Variants in ROBO2 observed in about 807,000 individuals in gnomAD.
ROBO2 encodes roundabout homolog 2.
In ROBO2, 53 loss-of-function variants were observed where a neutral mutation model predicts 160.8. The ratio of observed to expected loss-of-function variants is 0.33; its 90% confidence interval spans 0.26 to 0.41. The LOEUF (loss-of-function observed/expected upper bound fraction) is 0.41, where lower values mean the gene tolerates loss of function less well. ROBO2 is among the 10% of genes least tolerant of loss of function. ROBO2 has a pLI of 1.00. For synonymous variants in ROBO2, 664 were observed against 611.7 expected (o/e 1.09, Z -1.26); for missense variants, 1,577 against 1,722.4 (o/e 0.92, Z 1.49).
rs1396944502 is a variant in ROBO2, at chr3:76,025,327, C to G, written c.109+87725C>G. On this transcript the variant is annotated intron_variant, in intron 2 of 26. Transcript: ENST00000487694. ...GGTGTTACGTAGCTATGGGAACTTC[C>G]TCACAATTATCCTTATTGGGAAAGA... is the stretch of plus-strand genomic sequence containing the variant. Among the ~76,000 whole-genome samples the G allele has an allele frequency of 5.9e-5, 9 of 151,702 alleles. No homozygotes were observed. In the East Asian group the frequency reaches 1.7e-3, roughly 29 times the overall value.
chr3:76,790,163 T>G (rs2108720576), intron 2 of ROBO2, among the ~76,000 whole-genome samples: 1 of 151,758 alleles, frequency 6.6e-6, no homozygotes, highest in South Asian at 2.1e-4. Context: ...GTCTGAAGAT[T>G]AATTTATTCA....
chr3:75,988,157 T>G (rs1159441763), intron 2 of ROBO2, among the ~76,000 whole-genome samples: 2 of 152,064 alleles, frequency 1.3e-5, no homozygotes, highest in Non-Finnish European at 2.9e-5. Context: ...AGCTGTCAGG[T>G]CCAGGGATTT....
exon 12 of ROBO2, chr3:77,565,019 G>T: frequency 6.2e-7 from 1 of 1,613,700 alleles, no homozygotes; most frequent in Admixed American, 1.7e-5. Context: ...TATACTGTAA[G>T]AGGACTGCGG....
chr3:76,855,521 A>G (rs776713410), intron 2 of ROBO2, among the ~76,000 whole-genome samples: 17 of 152,244 alleles, frequency 1.1e-4, no homozygotes, highest in Non-Finnish European at 2.4e-4. Flanking sequence ...CTCTTTTGAT[A>G]AGATTGCATA....
At chr3:76,767,406 C>T (rs1049361339) in intron 2 of ROBO2, among the ~76,000 whole-genome samples, 6 of 151,570 alleles carry the variant, frequency 4.0e-5, no homozygotes, top group African/African-American at 9.7e-5. Flanking sequence ...CTACTTATAT[C>T]TCTTCTTGTT....
intron 2 of ROBO2, among the ~76,000 whole-genome samples, chr3:76,144,382 C>T (rs2071806268): frequency 6.6e-6 from 1 of 151,820 alleles, no homozygotes; most frequent in South Asian, 2.1e-4. Context: ...TACATTATAG[C>T]AAGAGGGAAG....
intron 2 of ROBO2, among the ~76,000 whole-genome samples, chr3:76,601,137 G>A (rs984766766): frequency 1.3e-5 from 2 of 152,196 alleles, no homozygotes; most frequent in African/African-American, 4.8e-5. Flanking sequence ...GGGTTCCCAT[G>A]GTCTTGGGCA....
In ROBO2 at chr3:76,787,579, C is replaced by A. The variant is rs145678091; in HGVS notation, c.110-310435C>A. Among the ~76,000 whole-genome samples, 468 of 151,476 alleles carry A rather than the reference C, an allele frequency of 3.1e-3. 2 individuals are homozygous for A. The highest frequency in any genetic ancestry group is 0.011 in the African/African-American group (449 of 41,420). ...TTCTGCAATATAATTGTAAAATTAT[C>A]TTTTGTTATCTATAAGTTCTCTATA... On this transcript the variant is annotated intron_variant, in intron 2 of 26. Coordinates refer to the ROBO2 transcript ENST00000487694.
intron 2 of ROBO2, among the ~76,000 whole-genome samples, chr3:76,938,934 G>T (rs181715114): frequency 7.0e-4 from 99 of 140,540 alleles, no homozygotes; most frequent in Middle Eastern, 4.7e-3. Context: ...TCACGCCATT[G>T]CACGCTAGCC....
chr3:76,093,459 TAC>T (rs2069314151), intron 2 of ROBO2, among the ~76,000 whole-genome samples: 2 of 141,632 alleles, frequency 1.4e-5, no homozygotes, highest in East Asian at 2.1e-4. Flanking sequence ...TTGAAAAAAA[TAC>T]AGTTTATAAT....
At chr3:76,689,589 C>A (rs181473931) in intron 2 of ROBO2, among the ~76,000 whole-genome samples, 1 of 152,126 alleles carries the variant, frequency 6.6e-6, no homozygotes, top group East Asian at 1.9e-4. Context: ...CTCTCCCATC[C>A]CCCAAAAAAG....
At chr3:77,179,555 G>GA (rs1319933282) in intron 2 of ROBO2, among the ~76,000 whole-genome samples, 1 of 150,774 alleles carries the variant, frequency 6.6e-6, no homozygotes, top group Non-Finnish European at 1.5e-5. Flanking sequence ...TAAGAGGCAA[G>GA]AAAAAAAAGG....
At chr3:77,442,185 G>A (rs1164458980) in intron 2 of ROBO2, among the ~76,000 whole-genome samples, 2 of 151,978 alleles carry the variant, frequency 1.3e-5, no homozygotes, top group Admixed American at 6.6e-5. Context: ...CATGGCGGGC[G>A]CCTGTAGTCC....
intron 2 of ROBO2, among the ~76,000 whole-genome samples, chr3:77,207,998 G>T (rs1341438322): frequency 6.6e-6 from 1 of 152,146 alleles, no homozygotes; most frequent in Non-Finnish European, 1.5e-5. Flanking sequence ...AGTATCCGAG[G>T]GCAGGAATTG....
intron 22 of ROBO2, 32 bp downstream of exon 23, chr3:77,617,805 G>T (rs756894680): frequency 1.2e-6 from 2 of 1,608,234 alleles, no homozygotes; most frequent in East Asian, 2.2e-5. Flanking sequence ...AGAGACCCAT[G>T]CTTTCAACAC....
At chr3:76,156,667 G>A (rs568285330) in intron 2 of ROBO2, among the ~76,000 whole-genome samples, 2 of 152,226 alleles carry the variant, frequency 1.3e-5, no homozygotes, top group South Asian at 4.1e-4. Flanking sequence ...TAGAATTAAC[G>A]AACTTTAGAA....
At chr3:77,566,388 C>T (rs1374895) in intron 12 of ROBO2, among the ~76,000 whole-genome samples, 81,394 of 151,788 alleles carry the variant, frequency 0.54, 21,922 homozygotes, top group Middle Eastern at 0.68. Flanking sequence ...GAAATTTGAA[C>T]CTAGTCATAT....
chr3:76,310,979 ATTACTG>A (rs2107781851), intron 2 of ROBO2: 1 of 152,322 alleles, frequency 6.6e-6, no homozygotes, highest in African/African-American at 2.4e-5. Flanking sequence ...GGACACAGAC[ATTACTG>A]TTTTTATCAT....
At chr3:76,607,116 T>G (rs1364062910) in intron 2 of ROBO2, among the ~76,000 whole-genome samples, 4 of 152,090 alleles carry the variant, frequency 2.6e-5, no homozygotes, top group Non-Finnish European at 5.9e-5. Flanking sequence ...GTCACAGATG[T>G]GATCATGGTG....
Sources: allele counts gnomAD v4.1 joint callset (sites outside exome capture counted in the v4.1 genomes callset), GRCh38; gene constraint gnomAD v4.1.1; transcripts MANE v1.5; gene names NCBI Gene and HGNC (gene_info 2026-07-23, HGNC 2026-07-21).